Variants in CDKN2B-AS1 observed in about 807,000 individuals in gnomAD.
CDKN2B-AS1 encodes CDKN2B antisense RNA 1 (non-protein coding).
At chr9:22,123,236 C>T (rs1826135723) in intron 4 of CDKN2B-AS1, among the ~76,000 whole-genome samples, 1 of 152,072 alleles carries the variant, frequency 6.6e-6, no homozygotes, top group African/African-American at 2.4e-5. Flanking sequence ...TTGTTATTAG[C>T]TCTGAGTTTT....
intron 1 of CDKN2B-AS1, among the ~76,000 whole-genome samples, chr9:22,007,255 A>C (rs1447276318): frequency 6.6e-6 from 1 of 152,148 alleles, no homozygotes; most frequent in East Asian, 1.9e-4. Flanking sequence ...CCAGCAACTC[A>C]GGAGGCTGAG....
At chr9:22,080,186 G>T (rs1348695486) in intron 4 of CDKN2B-AS1, among the ~76,000 whole-genome samples, 1 of 152,216 alleles carries the variant, frequency 6.6e-6, no homozygotes, top group East Asian at 1.9e-4. Context: ...AGCCAGCCCT[G>T]TTTATGTGTG....
exon 5 of CDKN2B-AS1, among the ~76,000 whole-genome samples, chr9:22,127,689 G>T (rs139296368): frequency 1.3e-5 from 2 of 152,134 alleles, no homozygotes; most frequent in Non-Finnish European, 2.9e-5. Context: ...AGACAGGAGG[G>T]TCCCAAATAC....
intron 4 of CDKN2B-AS1, among the ~76,000 whole-genome samples, chr9:22,110,601 A>C (rs1301693794): frequency 6.6e-6 from 1 of 152,150 alleles, no homozygotes; most frequent in Non-Finnish European, 1.5e-5. Flanking sequence ...TAGTTTTCTC[A>C]AAATGTTGTA....
chr9:22,089,833 T>C lies in CDKN2B-AS1; in HGVS notation n.438+33446T>C, dbSNP rs1032239819. ...AACATTTATAAATTACTAAATTCTTTTTTTTAATTATACTTTACGTTTTAG... is the reference window on the plus strand; with the variant it reads ...AACATTTATAAATTACTAAATTCTTCTTTTTAATTATACTTTACGTTTTAG... On this transcript the variant is annotated intron_variant and non_coding_transcript_variant, in intron 4 of 4. Coordinates refer to ENST00000650946, the Ensembl canonical transcript of CDKN2B-AS1. Among the ~76,000 whole-genome samples, 41 of 152,320 alleles carry C rather than the reference T, an allele frequency of 2.7e-4. 2 individuals are homozygous for C. The highest frequency in any genetic ancestry group is 1.3e-4 in the Admixed American group (2 of 15,292).
At chr9:22,052,656 C>G (rs1294113248) in intron 3 of CDKN2B-AS1, among the ~76,000 whole-genome samples, 1 of 152,180 alleles carries the variant, frequency 6.6e-6, no homozygotes, top group Non-Finnish European at 1.5e-5. Flanking sequence ...GGCTGACTGC[C>G]TGGTTTATCC....
chr9:22,080,783 C>G (rs943094478), intron 4 of CDKN2B-AS1, among the ~76,000 whole-genome samples: 1 of 152,308 alleles, frequency 6.6e-6, no homozygotes, highest in African/African-American at 2.4e-5. Flanking sequence ...TGACCACAGG[C>G]CACCAGACTG....
At chr9:22,015,654 A>G (rs978650839) in intron 1 of CDKN2B-AS1, among the ~76,000 whole-genome samples, 9 of 151,840 alleles carry the variant, frequency 5.9e-5, no homozygotes, top group Admixed American at 2.6e-4. Context: ...TATTATTATT[A>G]TACTTTAAGT....
At chr9:22,029,172 C>G (rs1364428408) in intron 1 of CDKN2B-AS1, among the ~76,000 whole-genome samples, 2 of 152,054 alleles carry the variant, frequency 1.3e-5, no homozygotes, top group East Asian at 3.9e-4. Context: ...ATCCCCTTCC[C>G]CAAAGGGTGA....
intron 3 of CDKN2B-AS1, among the ~76,000 whole-genome samples, chr9:22,049,426 A>G (rs1035066072): frequency 6.6e-6 from 1 of 152,174 alleles, no homozygotes; most frequent in South Asian, 2.1e-4. Flanking sequence ...AAATCTGGGT[A>G]TAAGTCCGAA....
chr9:22,052,787 A>G (rs764947989), intron 3 of CDKN2B-AS1, among the ~76,000 whole-genome samples: 4 of 152,240 alleles, frequency 2.6e-5, no homozygotes, highest in Non-Finnish European at 5.9e-5. Context: ...GGTTCTCAAC[A>G]TAAAATGAAG....
intron 4 of CDKN2B-AS1, chr9:22,097,450 T>C (rs1315674404): frequency 6.6e-6 from 1 of 152,238 alleles, no homozygotes; most frequent in Non-Finnish European, 1.5e-5. Context: ...AGGTCTGTTA[T>C]TCTAATGCCT....
At chr9:22,113,599 T>C (rs1285943660) in intron 4 of CDKN2B-AS1, 1 of 152,142 alleles carries the variant, frequency 6.6e-6, no homozygotes, top group Non-Finnish European at 1.5e-5. Context: ...TTGCTAAATC[T>C]CCCAAGCCTC....
intron 4 of CDKN2B-AS1, among the ~76,000 whole-genome samples, chr9:22,100,642 G>A (rs1825451538): frequency 6.6e-6 from 1 of 151,808 alleles, no homozygotes; most frequent in South Asian, 2.1e-4. Context: ...TTAAGTCTTT[G>A]TGTGGAAGTA....
chr9:22,044,438 A>G (rs559756278), intron 1 of CDKN2B-AS1, among the ~76,000 whole-genome samples: 1 of 152,004 alleles, frequency 6.6e-6, no homozygotes, highest in South Asian at 2.1e-4. Context: ...GAGTGTGAAT[A>G]CTCTGGAGAT....
chr9:22,089,631 G>T (rs1020829591), intron 4 of CDKN2B-AS1, among the ~76,000 whole-genome samples: 10 of 150,996 alleles, frequency 6.6e-5, no homozygotes, highest in Admixed American at 5.3e-4. Context: ...CCCTTATTTT[G>T]TAGGGACAAG....
chr9:22,116,148 C>T (rs149584169), intron 4 of CDKN2B-AS1, among the ~76,000 whole-genome samples: 1 of 152,088 alleles, frequency 6.6e-6, no homozygotes, highest in Admixed American at 6.5e-5. Flanking sequence ...TCTGAGGATA[C>T]TTTTATAATT....
chr9:22,116,271 G>C (rs539391583), intron 4 of CDKN2B-AS1, among the ~76,000 whole-genome samples: 1 of 152,314 alleles, frequency 6.6e-6, no homozygotes, highest in East Asian at 1.9e-4. Context: ...ACGGATATAA[G>C]TTTGAGTAGG....
At chr9:22,073,116 A>G (rs930436342) in intron 4 of CDKN2B-AS1, among the ~76,000 whole-genome samples, 5 of 152,150 alleles carry the variant, frequency 3.3e-5, no homozygotes, top group Non-Finnish European at 7.4e-5. Flanking sequence ...ATTAATTTCT[A>G]TGAGAATAAT....
Sources: allele counts gnomAD v4.1 joint callset (sites outside exome capture counted in the v4.1 genomes callset), GRCh38; gene constraint gnomAD v4.1.1; transcripts MANE v1.5; gene names NCBI Gene and HGNC (gene_info 2026-07-23, HGNC 2026-07-21).